Variants in NEK4 observed in about 807,000 individuals in gnomAD.
NEK4 encodes NIMA related kinase 4.
NEK4 carries 86 observed loss-of-function variants against 98.4 expected under a neutral mutation model. The ratio of observed to expected loss-of-function variants is 0.87; its 90% CI spans 0.73 to 1.05. The LOEUF is 1.05. Ranked by LOEUF, NEK4 falls within the 50% of genes least tolerant of loss-of-function variation. The pLI, the probability that NEK4 is intolerant of heterozygous loss-of-function variation, is 0.00. For synonymous variants in NEK4, 328 were observed against 342.2 expected (o/e 0.96, Z 0.46); for missense variants, 898 against 950.3 (o/e 0.94, Z 0.72).
chr3:52,765,011 G>A (rs992545859), intron 4 of NEK4, among the ~76,000 whole-genome samples: 3 of 152,136 alleles, frequency 2.0e-5, no homozygotes, highest in Admixed American at 1.3e-4. Context: ...TAAATAAGTT[G>A]TGGGATAGTA....
chr3:52,713,045 C>T (rs183995338), intron 15 of NEK4, among the ~76,000 whole-genome samples: 13 of 152,288 alleles, frequency 8.5e-5, no homozygotes, highest in East Asian at 3.9e-4. Context: ...CCAGAGGCCA[C>T]GCCCTCCCTT....
Position 52,752,353 on chromosome 3 carries a change from T to A in NEK4, c.964-17A>T, listed in dbSNP as rs757381503. On this transcript the variant is annotated splice_polypyrimidine_tract_variant and intron_variant, in intron 6 of 15. Coordinates refer to ENST00000233027, the MANE Select transcript of NEK4 (RefSeq NM_003157.6). ...GCCTTCACCCTGAATGAAAAGATGT[T>A]TGGAAATTATTATAGCACTCCTCAT... 2 of 1,601,962 alleles carry A rather than the reference T, an allele frequency of 1.2e-6. No homozygotes were observed. The highest frequency in any genetic ancestry group is 3.5e-5 in the Admixed American group (2 of 57,832).
intron 15 of NEK4, among the ~76,000 whole-genome samples, chr3:52,722,720 T>C (rs768641334): frequency 1.6e-4 from 25 of 151,848 alleles, no homozygotes; most frequent in Non-Finnish European, 1.6e-4. Flanking sequence ...CTGGGTAACA[T>C]GGCGAAACCC....
At chr3:52,754,562 A>T (rs2097411334) in intron 6 of NEK4, 1 of 1,348,820 alleles carries the variant, frequency 7.4e-7, no homozygotes, top group Non-Finnish European at 1.0e-6. Context: ...TACATGATGA[A>T]GCCAGAGAAA....
intron 13 of NEK4, among the ~76,000 whole-genome samples, chr3:52,740,001 G>T (rs34184137): frequency 6.6e-6 from 1 of 152,108 alleles, no homozygotes; most frequent in Non-Finnish European, 1.5e-5. Context: ...AGGAACCTTG[G>T]AGACAGTCTA....
In NEK4 at chr3:52,729,709, C is replaced by CA. The variant is rs1309141148; in HGVS notation, c.2433+7876dup. 3.4e-3 allele frequency among the ~76,000 whole-genome samples: 123 copies of CA among 36,054 alleles called. No homozygotes were observed. The Middle Eastern group carries it at 0.044, about 13-fold the overall frequency. 23.7% of individuals were successfully genotyped at this position (36,054 alleles called of 152,430 possible). A position where few individuals can be genotyped will look rare whatever the true frequency, so the allele number is the denominator to read the frequency against. On this transcript the variant is annotated intron_variant, in intron 15 of 15. Coordinates refer to ENST00000233027, the MANE Select transcript of NEK4 (RefSeq NM_003157.6). ...GGCGGCTGAGCAAGACTCTGTGTCT[C>CA]AAAAAAAAAAAAAAGATTGCTTCAC...
chr3:52,752,917 A>AAAAAAAAAAAAAATATATAAATAC (rs1341504051), intron 6 of NEK4, among the ~76,000 whole-genome samples: 1 of 83,952 alleles, frequency 1.2e-5, no homozygotes, highest in Non-Finnish European at 2.5e-5. Context: ...AAAAAAAAAA[A>AAAAAAAAAAAAAATATATAAATAC]ATATATATAT....
At chr3:52,768,641 A>G (rs1238658873) in intron 1 of NEK4, 37 bp from the exon 2 acceptor site, 1 of 1,602,490 alleles carries the variant, frequency 6.2e-7, no homozygotes, top group East Asian at 2.2e-5. Context: ...ATGTGCAAAT[A>G]AACGTAAGAT....
intron 6 of NEK4, among the ~76,000 whole-genome samples, chr3:52,752,900 C>CAAAAAAAAAAAAAAAAAAAAAAAAAAAA (rs71087016): frequency 2.0e-5 from 1 of 49,964 alleles, no homozygotes. Flanking sequence ...AACCCTGCCT[C>CAAAAAAAAAAAAAAAAAAAAAAAAAAAA]AAAAAAAAAA....
At chr3:52,712,309 C>T (rs1014859403) in intron 15 of NEK4, among the ~76,000 whole-genome samples, 3 of 152,188 alleles carry the variant, frequency 2.0e-5, no homozygotes, top group East Asian at 1.9e-4. Flanking sequence ...CCTCGCAGGG[C>T]GTGCAATGGG....
At chr3:52,733,488 C>A in intron 15 of NEK4, 2 of 422,946 alleles carry the variant, frequency 4.7e-6, no homozygotes, top group South Asian at 3.8e-5. Context: ...ACAAATTTTC[C>A]CTCACTCAAC....
chr3:52,711,904 G>A, intron 15 of NEK4, 35 bp from the exon 16 acceptor site: 2 of 1,211,310 alleles, frequency 1.7e-6, no homozygotes, highest in Non-Finnish European at 1.2e-6. Flanking sequence ...CAATCAGTAT[G>A]TAGTAGGAAA....
rs375806744 is a variant in NEK4, at chr3:52,749,299, AT to A, written c.1506+392del. On this transcript the variant is annotated intron_variant, in intron 8 of 15. Transcript: ENST00000233027. ...AGGCTCGTGCCACCATGCCCAGCTA[AT>A]TTTTGTATTTTTAGTAGAAACAGGG... Among the ~76,000 whole-genome samples the A allele has an allele frequency of 5.4e-3, 825 of 151,438 alleles. 12 individuals carry two copies. In the South Asian group the frequency reaches 0.066, roughly 12 times the overall value.
Position 52,727,980 on chromosome 3 carries a change from C to G in NEK4, c.2433+9606G>C, listed in dbSNP as rs769816983. On this transcript the variant is annotated intron_variant, in intron 15 of 15. Transcript: ENST00000233027. ...GGGCACAATGGCCAATGACTGTAAT[C>G]TCAGCACTTTGGGAGACATAGATGA... Among the ~76,000 whole-genome samples, 112 of 152,184 alleles carry G rather than the reference C, an allele frequency of 7.4e-4. 1 individual carries two copies. The highest frequency in any genetic ancestry group is 1.3e-3 in the Non-Finnish European group (90 of 68,038).
At chr3:52,767,173 C>A (rs1698598170) in intron 2 of NEK4, among the ~76,000 whole-genome samples, 7 of 151,964 alleles carry the variant, frequency 4.6e-5, no homozygotes, top group Admixed American at 4.6e-4. Flanking sequence ...ATAATCCCAG[C>A]TACTTGGGAG....
In NEK4 at chr3:52,763,538, A is replaced by T; in HGVS notation, c.753T>A (p.Ser251=). The part of the protein sequence containing the change: ...MLSKRPEERP[S]VRSILRQPYI... ...AAGGCTGCCTCAGGATGCTCCTCAC[A>T]GACGGCCTTTCTTCAGGCCTTTTGC... The change falls in exon 5 of 16, where the codon TCT becomes TCA. Residue 251 remains serine (S), a synonymous_variant. Transcript: ENST00000233027. 6.2e-7 allele frequency: 1 copy of T among 1,614,168 alleles called. No individual in the cohort carries two copies. Among genetic ancestry groups the T allele is most frequent in the Non-Finnish European group, 8.5e-7 (1 of 1,180,014 alleles).
In NEK4 at chr3:52,711,413, A is replaced by C. The variant is rs1230656951; in HGVS notation, c.*364T>G. ...TTTCTCCTACTGCTTTTATCTCTAC[A>C]TTACAATATAAAATTTTCAATCCAG... On this transcript the variant is annotated 3_prime_UTR_variant, in exon 16 of 16. Transcript: ENST00000233027. The C allele has an allele frequency of 1.2e-5, 2 of 160,760 alleles. No homozygotes were observed. Among genetic ancestry groups the C allele is most frequent in the African/African-American group, 4.8e-5 (2 of 41,706 alleles). The allele number at this position is 160,760 out of a possible 1,614,324, so 10.0% of individuals were successfully genotyped here.
At chr3:52,735,512 A>G (rs1040965965) in intron 15 of NEK4, among the ~76,000 whole-genome samples, 2 of 152,250 alleles carry the variant, frequency 1.3e-5, no homozygotes, top group Non-Finnish European at 2.9e-5. Context: ...AAATGTAGTT[A>G]AAGTCTGTGT....
At chr3:52,752,933 T>TATATATATATATATACACACACACAC (rs148965312) in intron 6 of NEK4, among the ~76,000 whole-genome samples, 11 of 75,564 alleles carry the variant, frequency 1.5e-4, no homozygotes, top group African/African-American at 4.9e-4. Context: ...TATATATATA[T>TATATATATATATATACACACACACAC]ACACACACAC....
Sources: gnomAD v4.1 joint callset for allele counts (sites outside exome capture counted in the v4.1 genomes callset) on GRCh38, gnomAD v4.1.1 for gene constraint, MANE v1.5 for transcripts, NCBI Gene and HGNC (gene_info 2026-07-23, HGNC 2026-07-21) for gene names.